SGCD: variants seen among roughly 807,000 people sequenced by gnomAD.
SGCD encodes the protein sarcoglycan delta.
A neutral mutation model predicts 36.6 loss-of-function variants in SGCD; 18 were observed. The ratio of observed to expected loss-of-function variants is 0.49; its 90% CI spans 0.34 to 0.73. The LOEUF is 0.73. Ranked by LOEUF, SGCD falls within the 30% of genes least tolerant of loss-of-function variation. SGCD has a pLI of 0.01. For missense variants in SGCD, 387 were observed against 346.7 expected (o/e 1.12, Z -0.92); for synonymous variants, 133 against 130.6 (o/e 1.02, Z -0.12).
At chr5:156,638,581 A>G (rs1762917831) in intron 6 of SGCD, among the ~76,000 whole-genome samples, 1 of 152,320 alleles carries the variant, frequency 6.6e-6, no homozygotes. Flanking sequence ...AGAATTTTCC[A>G]TTAGTGTTAA....
the SGCD span, among the ~76,000 whole-genome samples, chr5:155,830,453 T>A: frequency 2.0e-5 from 3 of 152,256 alleles, no homozygotes; most frequent in African/African-American, 7.2e-5. Context: ...ATGCAGTCAT[T>A]TTATGGGGTA....
intron 3 of SGCD, among the ~76,000 whole-genome samples, chr5:156,370,224 G>A (rs1170672125): frequency 6.6e-6 from 1 of 152,172 alleles, no homozygotes; most frequent in African/African-American, 2.4e-5. Flanking sequence ...GGTTGGCAAT[G>A]ACAGGAAAAG....
chr5:155,823,401 C>T, the SGCD span, among the ~76,000 whole-genome samples: 43,385 of 151,656 alleles, frequency 0.29, 7,756 homozygotes, highest in East Asian at 0.45. Context: ...AATGGCCGCC[C>T]ACATTTGGGA....
chr5:156,307,041 C>CTTT (rs71577193), intron 3 of SGCD, among the ~76,000 whole-genome samples: 1 of 124,526 alleles, frequency 8.0e-6, no homozygotes, highest in South Asian at 2.7e-4. Flanking sequence ...TATAAGTTTT[C>CTTT]TTTTTTTTTT....
At chr5:156,285,419 A>G (rs1277316122) in intron 3 of SGCD, among the ~76,000 whole-genome samples, 2 of 152,346 alleles carry the variant, frequency 1.3e-5, no homozygotes, top group African/African-American at 4.8e-5. Context: ...CCTGACTTCA[A>G]ACAATACTAC....
In SGCD at chr5:155,893,200, A is replaced by G. The variant is rs556964835; in HGVS notation, c.-282+22776A>G. Among the ~76,000 whole-genome samples the G allele has an allele frequency of 5.9e-5, 9 of 152,226 alleles. No individual in the cohort carries two copies. In the South Asian group the frequency reaches 1.9e-3, roughly 32 times the overall value. ...AACACTGATTTGGTCATTATACTAT[A>G]TATATATACATTTTAAAACATTGCA... On this transcript the variant is annotated intron_variant, in intron 1 of 9. Transcript: ENST00000517913.
rs373486722 is a variant in SGCD at position 156,732,848 on chromosome 5, A to ATTCTAGATT, written c.576-24727_576-24726insATTTTCTAG. ...GGTGTATGTGTCTACAAATTTATCT[A>ATTCTAGATT]TTCTAGTTCATGAGCACAGAGGTGT... On this transcript the variant is annotated intron_variant, in intron 7 of 8. Coordinates refer to ENST00000337851, the MANE Select transcript of SGCD (RefSeq NM_000337.6). Among the ~76,000 whole-genome samples, 1,364 of 151,788 alleles carry ATTCTAGATT rather than the reference A, an allele frequency of 9.0e-3. 7 individuals carry two copies. Among genetic ancestry groups the ATTCTAGATT allele is most frequent in the Non-Finnish European group, 0.012 (785 of 67,734 alleles).
intron 3 of SGCD, among the ~76,000 whole-genome samples, chr5:156,216,214 C>T (rs1764569375): frequency 6.6e-6 from 1 of 152,082 alleles, no homozygotes; most frequent in African/African-American, 2.4e-5. Context: ...TAAAAAATTT[C>T]AGTTAGACAG....
rs200904500 is a variant in SGCD at position 156,111,779 on chromosome 5, ATT to A, written c.-281-6086_-281-6085del. On this transcript the variant is annotated intron_variant, in intron 1 of 9. Coordinates refer to the SGCD transcript ENST00000517913. ...TTGTTAAAAGCAGTGATAGAGGTGT[ATT>A]TTTTTTTTTTTTCTTGAGATAGAGT... Among the ~76,000 whole-genome samples the A allele has an allele frequency of 6.3e-4, 91 of 144,232 alleles. No individual in the cohort carries two copies. The East Asian group carries it at 8.7e-3, about 14-fold the overall frequency. 94.6% of individuals were successfully genotyped at this position (144,232 alleles called of 152,430 possible).
intron 6 of SGCD, among the ~76,000 whole-genome samples, chr5:156,637,548 CAG>C (rs1208747873): frequency 6.6e-6 from 1 of 152,194 alleles, no homozygotes; most frequent in Non-Finnish European, 1.5e-5. Flanking sequence ...AAAACTTTCT[CAG>C]TGCTCCTCCC....
intron 1 of SGCD, among the ~76,000 whole-genome samples, chr5:156,113,807 T>C (rs113822761): frequency 3.3e-5 from 5 of 152,174 alleles, no homozygotes; most frequent in Non-Finnish European, 7.3e-5. Context: ...GGTACATCTG[T>C]ACAATGGAAT....
At chr5:156,102,815 T>C (rs917731270) in intron 1 of SGCD, among the ~76,000 whole-genome samples, 28 of 152,194 alleles carry the variant, frequency 1.8e-4, no homozygotes, top group African/African-American at 6.3e-4. Context: ...TATGATTGGG[T>C]GTGTGCGTAT....
intron 6 of SGCD, among the ~76,000 whole-genome samples, chr5:156,600,198 C>CA (rs1761134108): frequency 6.6e-6 from 1 of 152,154 alleles, no homozygotes; most frequent in Admixed American, 6.5e-5. Flanking sequence ...TATTTTATAA[C>CA]ATACAGTAAC....
At chr5:155,770,847 T>C in the SGCD span, among the ~76,000 whole-genome samples, 1 of 152,176 alleles carries the variant, frequency 6.6e-6, no homozygotes, top group African/African-American at 2.4e-5. Flanking sequence ...AAGGTAACTT[T>C]CTTAGTAATC....
Position 156,004,809 on chromosome 5 carries a change from G to T in SGCD, c.-281-113069G>T, listed in dbSNP as rs149944598. Among the ~76,000 whole-genome samples the T allele has an allele frequency of 9.5e-4, 145 of 152,314 alleles. 2 individuals are homozygous for T. The East Asian group carries it at 0.024, about 25-fold the overall frequency. On this transcript the variant is annotated intron_variant, in intron 1 of 9. Coordinates refer to the SGCD transcript ENST00000517913. ...AAATAAATAAACACACGCATTCTTG[G>T]CTCTAGCCAAACTGAATTAATCCCT...
intron 1 of SGCD, among the ~76,000 whole-genome samples, chr5:155,884,359 C>A (rs1755959491): frequency 6.6e-6 from 1 of 152,182 alleles, no homozygotes; most frequent in South Asian, 2.1e-4. Context: ...TAAATCCCAG[C>A]AAGTCCTGCC....
the SGCD span, among the ~76,000 whole-genome samples, chr5:155,744,342 C>T: frequency 1.3e-5 from 2 of 152,060 alleles, no homozygotes; most frequent in Non-Finnish European, 2.9e-5. Flanking sequence ...TGCCTGTAAT[C>T]CCAGCTACTC....
At chr5:155,882,399 C>T (rs1272973460) in intron 1 of SGCD, among the ~76,000 whole-genome samples, 2 of 152,152 alleles carry the variant, frequency 1.3e-5, no homozygotes, top group Non-Finnish European at 2.9e-5. Flanking sequence ...CTAATGACAT[C>T]TAGCATGGTG....
chr5:156,521,452 C>G lies in SGCD; in HGVS notation c.294+12750C>G, dbSNP rs553990394. 1.2e-4 allele frequency among the ~76,000 whole-genome samples: 19 copies of G among 152,190 alleles called. No homozygotes were observed. In the South Asian group the frequency reaches 2.7e-3, roughly 22 times the overall value. On this transcript the variant is annotated intron_variant, in intron 4 of 8. Coordinates refer to ENST00000337851, the MANE Select transcript of SGCD (RefSeq NM_000337.6). ...ATGGGAGAAAATTTTTGCAATCTAT[C>G]CATCTGAGAAAGGTCTAATATTCAG...
Sources: gnomAD v4.1 joint callset for allele counts (sites outside exome capture counted in the v4.1 genomes callset) on GRCh38, gnomAD v4.1.1 for gene constraint, MANE v1.5 for transcripts, NCBI Gene and HGNC (gene_info 2026-07-23, HGNC 2026-07-21) for gene names.